The following COMMD7 variants were observed in gnomAD, a reference collection of about 807,000 sequenced individuals.
The protein encoded by COMMD7 is COMM domain-containing protein 7.
In COMMD7, 28 loss-of-function variants were observed where a neutral mutation model predicts 34.8. The observed-to-expected ratio is 0.80, with a 90% CI of 0.60 to 1.10. COMMD7 has a LOEUF of 1.10. COMMD7 is among the 50% of genes least tolerant of loss of function. The pLI is 0.00. For missense variants in COMMD7, 211 were observed against 241.6 expected, an observed-to-expected ratio of 0.87 and a Z score of 0.84; for synonymous variants, 80 against 86.4, an observed-to-expected ratio of 0.93 and a Z score of 0.41.
intron 1 of COMMD7, among the ~76,000 whole-genome samples, chr20:32,733,269 T>C (rs1985945287): frequency 6.6e-6 from 1 of 151,500 alleles, no homozygotes; most frequent in South Asian, 2.1e-4. Flanking sequence ...ATAGGATACA[T>C]TGCTCAGTTT....
At chr20:32,743,236 G>GGGCCCCCC in intron 1 of COMMD7, 72 bp downstream of exon 1, 3 of 555,856 alleles carry the variant, frequency 5.4e-6, no homozygotes, top group East Asian at 4.2e-5. Flanking sequence ...ACCCCCGGAC[G>GGGCCCCCC]TCCCCCCCAC....
intron 1 of COMMD7, among the ~76,000 whole-genome samples, chr20:32,738,686 T>G (rs2057216164): frequency 6.6e-6 from 1 of 151,930 alleles, no homozygotes; most frequent in Non-Finnish European, 1.5e-5. Flanking sequence ...CCTCCCAAAG[T>G]GCTTGATTAC....
At chr20:32,728,955 C>T (rs1330305764) in intron 1 of COMMD7, among the ~76,000 whole-genome samples, 2 of 152,124 alleles carry the variant, frequency 1.3e-5, no homozygotes, top group African/African-American at 4.8e-5. Context: ...ACACCTAGAA[C>T]AGACTCTTAC....
chr20:32,703,656 G>C lies in COMMD7; in HGVS notation c.527-198C>G, dbSNP rs188291620. The C allele has an allele frequency of 2.5e-3, 3,567 of 1,436,498 alleles. 3 individuals are homozygous for C. The highest frequency in any genetic ancestry group is 2.8e-3 in the Non-Finnish European group (3,117 of 1,102,390). The allele number at this position is 1,436,498 out of a possible 1,614,324, so 89.0% of individuals were successfully genotyped here. ...TTCTCTGCTCCAAAGGAAAAAAAAG[G>C]GGAGTGAGTGTTCAAATGGCACAGC... On this transcript the variant is annotated intron_variant, in intron 8 of 8. Transcript: ENST00000278980.
At chr20:32,738,324 C>T (rs1568797335) in intron 1 of COMMD7, among the ~76,000 whole-genome samples, 1 of 152,146 alleles carries the variant, frequency 6.6e-6, no homozygotes, top group Non-Finnish European at 1.5e-5. Flanking sequence ...TACGGTGGCT[C>T]ACGCCTATAA....
rs1356553436 is a variant in COMMD7 at position 32,743,290 on chromosome 20, C to G, written c.84+18G>C. ...AATCACCTGGGCCCCGCGCCCCACG[C>G]CCCGCCGCCGGGCCCACCTGCGCGC... On this transcript the variant is annotated intron_variant, in intron 1 of 8. Transcript: ENST00000278980. The G allele has an allele frequency of 6.6e-7, 1 of 1,511,306 alleles. No individual in the cohort carries two copies. Among genetic ancestry groups the G allele is most frequent in the Non-Finnish European group, 8.8e-7 (1 of 1,135,442 alleles). The allele number at this position is 1,511,306 out of a possible 1,614,324, so 93.6% of individuals were successfully genotyped here.
chr20:32,735,884 A>G (rs1394360562), intron 1 of COMMD7, among the ~76,000 whole-genome samples: 1 of 152,116 alleles, frequency 6.6e-6, no homozygotes, highest in Non-Finnish European at 1.5e-5. Context: ...TGGTAAGAGG[A>G]CTGTGGGCCA....
chr20:32,740,813 C>CAA (rs56039232), intron 1 of COMMD7, among the ~76,000 whole-genome samples: 2,423 of 128,176 alleles, frequency 0.019, 70 homozygotes, highest in African/African-American at 0.064. Context: ...GACCCTGCCT[C>CAA]AAAAAAAAAA....
chr20:32,729,293 C>A (rs6058835), intron 1 of COMMD7, among the ~76,000 whole-genome samples: 36,518 of 151,418 alleles, frequency 0.24, 4,795 homozygotes, highest in Non-Finnish European at 0.31. Flanking sequence ...CTCAGCCTCC[C>A]GAGCAGCTGG....
chr20:32,714,422 C>T (rs778122151), intron 3 of COMMD7, among the ~76,000 whole-genome samples: 6 of 151,916 alleles, frequency 3.9e-5, no homozygotes, highest in East Asian at 1.9e-4. Flanking sequence ...GGGCCGGGCA[C>T]GGTGGTTGTA....
chr20:32,739,075 G>T (rs941710044), intron 1 of COMMD7, among the ~76,000 whole-genome samples: 2 of 152,164 alleles, frequency 1.3e-5, no homozygotes, highest in Non-Finnish European at 2.9e-5. Flanking sequence ...TTAAAATGGT[G>T]CCTGGCCACA....
intron 3 of COMMD7, among the ~76,000 whole-genome samples, chr20:32,715,733 G>A (rs1027751330): frequency 6.6e-6 from 1 of 152,140 alleles, no homozygotes; most frequent in African/African-American, 2.4e-5. Context: ...CTGGAGCTCA[G>A]GTAGACAAGG....
intron 1 of COMMD7, among the ~76,000 whole-genome samples, chr20:32,730,197 T>A (rs1358629066): frequency 6.6e-6 from 1 of 151,460 alleles, no homozygotes; most frequent in African/African-American, 2.4e-5. Flanking sequence ...TACTTTCTCA[T>A]GTCCCTCCCT....
At chr20:32,738,381 G>A (rs994290092) in intron 1 of COMMD7, among the ~76,000 whole-genome samples, 15 of 152,164 alleles carry the variant, frequency 9.9e-5, no homozygotes, top group African/African-American at 3.1e-4. Flanking sequence ...AAGGTCAGGA[G>A]TTGGAGACCA....
At chr20:32,726,873 C>A (rs551259778) in intron 3 of COMMD7, among the ~76,000 whole-genome samples, 11 of 152,106 alleles carry the variant, frequency 7.2e-5, no homozygotes, top group Admixed American at 2.0e-4. Context: ...AAGGAAAGAA[C>A]CTTCACTAAG....
chr20:32,741,807 T>C (rs1986461842), intron 1 of COMMD7, among the ~76,000 whole-genome samples: 1 of 152,232 alleles, frequency 6.6e-6, no homozygotes, highest in Non-Finnish European at 1.5e-5. Context: ...ACATGCTGTA[T>C]AGGTTTGTAG....
intron 1 of COMMD7, among the ~76,000 whole-genome samples, chr20:32,735,547 C>A (rs1409231629): frequency 6.6e-6 from 1 of 152,098 alleles, no homozygotes; most frequent in Non-Finnish European, 1.5e-5. Flanking sequence ...AGACTGCTGG[C>A]CTGAAGTGAT....
intron 1 of COMMD7, among the ~76,000 whole-genome samples, chr20:32,741,148 A>G (rs1404277655): frequency 4.2e-5 from 5 of 119,952 alleles, no homozygotes; most frequent in African/African-American, 1.7e-4. Context: ...GTCTAAAACA[A>G]ACAAACAAAC....
At chr20:32,719,302 A>G (rs1243312586) in intron 3 of COMMD7, among the ~76,000 whole-genome samples, 1 of 152,148 alleles carries the variant, frequency 6.6e-6, no homozygotes, top group Non-Finnish European at 1.5e-5. Context: ...CTGTTCTGGG[A>G]TGGCAGCCTT....
Sources: gnomAD v4.1 joint callset for allele counts (sites outside exome capture counted in the v4.1 genomes callset) on GRCh38, gnomAD v4.1.1 for gene constraint, MANE v1.5 for transcripts, NCBI Gene and HGNC (gene_info 2026-07-23, HGNC 2026-07-21) for gene names.